Variants in DOCK2 observed in about 807,000 individuals in gnomAD.
DOCK2 encodes dedicator of cytokinesis protein 2.
Under a neutral mutation model 248.9 loss-of-function variants are expected in DOCK2, and 87 were observed. That is an observed-to-expected ratio of 0.35 (90% confidence interval 0.29 to 0.42). The LOEUF (loss-of-function observed/expected upper bound fraction) is 0.42, where lower values mean the gene tolerates loss of function less well. DOCK2 is among the 10% of genes least tolerant of loss of function. The probability of loss-of-function intolerance (pLI) is 1.00; values close to 1 mark genes in which losing one functional copy is unlikely to be tolerated. For synonymous variants in DOCK2, 805 were observed against 821.6 expected (o/e 0.98, Z 0.35); for missense variants, 1,747 against 2,300.2 (o/e 0.76, Z 4.92).
chr5:169,861,500 T>C (rs892709980), intron 27 of DOCK2, among the ~76,000 whole-genome samples: 9 of 152,248 alleles, frequency 5.9e-5, no homozygotes, highest in Admixed American at 5.9e-4. Context: ...CATAAACTCC[T>C]GCAATTTAAG....
chr5:169,735,728 C>T (rs1025683827), intron 22 of DOCK2, among the ~76,000 whole-genome samples: 5 of 152,168 alleles, frequency 3.3e-5, no homozygotes, highest in Non-Finnish European at 5.9e-5. Flanking sequence ...CTAAGCACAC[C>T]TACTTTAGCC....
Position 170,036,703 on chromosome 5 carries a change from C to G in DOCK2, c.3665+148C>G, listed in dbSNP as rs574649347. On this transcript the variant is annotated intron_variant, in intron 36 of 51. Transcript: ENST00000520908. ...TGTGTTCTGATTCCTGTCAATTTCT[C>G]CAGATTCAATTCCTTTCATTCTCCC... 4.8e-5 allele frequency: 37 copies of G among 765,954 alleles called. No homozygotes were observed. The South Asian group carries it at 6.5e-4, about 14-fold the overall frequency. 47.4% of individuals were successfully genotyped at this position (765,954 alleles called of 1,614,324 possible).
intron 30 of DOCK2, among the ~76,000 whole-genome samples, chr5:170,008,240 C>A (rs1755142734): frequency 6.8e-6 from 1 of 148,120 alleles, no homozygotes; most frequent in Non-Finnish European, 1.5e-5. Context: ...AAAAAAAAAC[C>A]TAAAATTCTC....
chr5:169,662,095 C>G (rs1365892518), intron 2 of DOCK2, among the ~76,000 whole-genome samples: 2 of 152,308 alleles, frequency 1.3e-5, no homozygotes, highest in African/African-American at 4.8e-5. Flanking sequence ...AGAAGAGTTC[C>G]CCTTTTTCCA....
At chr5:169,934,484 C>A (rs988379637) in intron 27 of DOCK2, among the ~76,000 whole-genome samples, 1 of 152,224 alleles carries the variant, frequency 6.6e-6, no homozygotes, top group South Asian at 2.1e-4. Context: ...GAGGTGCATG[C>A]ACATATGCTA....
At chr5:169,719,939 A>T (rs1258606995) in intron 22 of DOCK2, among the ~76,000 whole-genome samples, 4 of 152,062 alleles carry the variant, frequency 2.6e-5, no homozygotes, top group Non-Finnish European at 5.9e-5. Flanking sequence ...AAAAAAGACC[A>T]TCATTGTGAT....
intron 14 of DOCK2, among the ~76,000 whole-genome samples, chr5:169,705,316 A>C (rs1053018383): frequency 6.6e-6 from 1 of 152,186 alleles, no homozygotes; most frequent in African/African-American, 2.4e-5. Flanking sequence ...ATCCAGCCAG[A>C]AGCAAATTCT....
intron 27 of DOCK2, among the ~76,000 whole-genome samples, chr5:169,865,989 C>T (rs1272043086): frequency 6.6e-6 from 1 of 152,120 alleles, no homozygotes; most frequent in Non-Finnish European, 1.5e-5. Context: ...TGCCTCGTCC[C>T]TGAGCATTCT....
Position 169,654,592 on chromosome 5 carries a change from A to G in DOCK2, c.127+106A>G, listed in dbSNP as rs1757995698. 32 of 1,146,716 alleles carry G rather than the reference A, an allele frequency of 2.8e-5. No individual in the cohort carries two copies. In the South Asian group the frequency reaches 3.9e-4, roughly 14 times the overall value. 71.0% of individuals were successfully genotyped at this position (1,146,716 alleles called of 1,614,324 possible). ...CTCTGAACCTGCAACTGTGTGGTCT[A>G]TTTAAAAACGTTTTGGTAACGCTAG... On this transcript the variant is annotated intron_variant, in intron 2 of 51. Transcript: ENST00000520908.
At chr5:169,706,752 G>T (rs151300287) in intron 14 of DOCK2, among the ~76,000 whole-genome samples, 5 of 152,188 alleles carry the variant, frequency 3.3e-5, no homozygotes, top group African/African-American at 1.2e-4. Flanking sequence ...TGTGTATTCT[G>T]TTTTCAAATG....
chr5:169,698,802 AT>A (rs1760788016), intron 11 of DOCK2, among the ~76,000 whole-genome samples: 1 of 152,244 alleles, frequency 6.6e-6, no homozygotes, highest in African/African-American at 2.4e-5. Context: ...AGATTAATGC[AT>A]TAATTACAAG....
chr5:169,853,589 C>A (rs1770723879), intron 27 of DOCK2, among the ~76,000 whole-genome samples: 1 of 151,866 alleles, frequency 6.6e-6, no homozygotes, highest in Non-Finnish European at 1.5e-5. Context: ...ACGACAACAA[C>A]AATAATAACA....
intron 50 of DOCK2, 142 bp from the exon 51 acceptor site, chr5:170,081,700 C>T: frequency 1.1e-6 from 1 of 919,604 alleles, no homozygotes; most frequent in Non-Finnish European, 1.6e-6. Context: ...AGGAAATAGG[C>T]ATCCTGCCTC....
chr5:170,049,750 G>T (rs1354313914), intron 40 of DOCK2, among the ~76,000 whole-genome samples: 1 of 152,180 alleles, frequency 6.6e-6, no homozygotes. Flanking sequence ...TCCCTTGGGG[G>T]ACAACATCAC....
At chr5:170,020,919 C>A (rs2113823517) in intron 33 of DOCK2, among the ~76,000 whole-genome samples, 1 of 152,356 alleles carries the variant, frequency 6.6e-6, no homozygotes, top group South Asian at 2.1e-4. Context: ...TTAATAGAGT[C>A]AAGGCACTGA....
rs1209936582 is a variant in DOCK2, at chr5:170,083,161, C to G, written c.*303C>G. ...ACATCCTAGGCACAGCTTTCATAAC[C>G]CAGTTTCTTAGGTGTAAGAAACTGT... On this transcript the variant is annotated 3_prime_UTR_variant, in exon 52 of 52. Coordinates refer to ENST00000520908, the MANE Select transcript of DOCK2 (RefSeq NM_004946.3). 5 of 332,382 alleles carry G rather than the reference C, an allele frequency of 1.5e-5. No homozygotes were observed. Among genetic ancestry groups the G allele is most frequent in the Non-Finnish European group, 2.7e-5 (5 of 182,070 alleles). The allele number at this position is 332,382 out of a possible 1,614,324, so 20.6% of individuals were successfully genotyped here.
At chr5:169,750,840 A>G (rs1202075459) in intron 23 of DOCK2, among the ~76,000 whole-genome samples, 2 of 152,236 alleles carry the variant, frequency 1.3e-5, no homozygotes, top group African/African-American at 4.8e-5. Context: ...GCAGTACCAT[A>G]TGAAGAGAAC....
intron 44 of DOCK2, among the ~76,000 whole-genome samples, chr5:170,064,660 TAAG>T (rs1228026373): frequency 6.7e-6 from 1 of 149,428 alleles, no homozygotes; most frequent in African/African-American, 2.5e-5. Context: ...GGTACCAAAA[TAAG>T]AAGAGAGAGG....
chr5:169,694,209 G>A (rs1161470661), intron 9 of DOCK2, among the ~76,000 whole-genome samples: 1 of 152,220 alleles, frequency 6.6e-6, no homozygotes, highest in Non-Finnish European at 1.5e-5. Context: ...TCTGATGTGA[G>A]CCGACAGCTT....
Sources: allele counts gnomAD v4.1 joint callset (sites outside exome capture counted in the v4.1 genomes callset), GRCh38; gene constraint gnomAD v4.1.1; transcripts MANE v1.5; gene names NCBI Gene and HGNC (gene_info 2026-07-23, HGNC 2026-07-21).